TESK2: variants seen among roughly 807,000 people sequenced by gnomAD.
TESK2 encodes testis associated actin remodelling kinase 2, also known as dual specificity testis-specific protein kinase 2.
Under a neutral mutation model 57.1 loss-of-function variants are expected in TESK2, and 39 were observed. The observed-to-expected ratio is 0.68, with a 90% CI of 0.53 to 0.89. The LOEUF is 0.89. Ranked by LOEUF, TESK2 falls within the 40% of genes least tolerant of loss-of-function variation. The pLI, the probability that TESK2 is intolerant of heterozygous loss-of-function variation, is 0.00. For synonymous variants in TESK2, 249 were observed against 267.9 expected (o/e 0.93, Z 0.69); for missense variants, 646 against 732.1 (o/e 0.88, Z 1.36).
rs780360917 is a variant in TESK2 at position 45,347,711 on chromosome 1, A to G, written c.624-18T>C. ...TCCCCATGCTGTGGGGTGAGATTAT[A>G]CAGAAAATGAGCTTGCCAATGGCTG... is the stretch of plus-strand genomic sequence containing the variant. On this transcript the variant is annotated intron_variant, in intron 6 of 10. Transcript: ENST00000372086. 6.2e-7 allele frequency: 1 copy of G among 1,613,132 alleles called. No homozygotes were observed. The highest frequency in any genetic ancestry group is 1.1e-5 in the South Asian group (1 of 90,908).
chr1:45,380,498 C>T (rs545443451), intron 4 of TESK2, among the ~76,000 whole-genome samples: 96 of 152,292 alleles, frequency 6.3e-4, no homozygotes, highest in African/African-American at 2.2e-3. Flanking sequence ...TTTCTCTTCT[C>T]TCTTTCTTCC....
chr1:45,409,481 C>A (rs1649960420), intron 3 of TESK2, among the ~76,000 whole-genome samples: 1 of 152,102 alleles, frequency 6.6e-6, no homozygotes, highest in Non-Finnish European at 1.5e-5. Flanking sequence ...CATTTAGGGC[C>A]TGATAGGTTA....
chr1:45,348,166 G>C (rs1490515693), intron 5 of TESK2, among the ~76,000 whole-genome samples, 166 bp from the exon 6 acceptor site: 1 of 152,170 alleles, frequency 6.6e-6, no homozygotes, highest in Non-Finnish European at 1.5e-5. Flanking sequence ...CTCTAAGACA[G>C]CCAGGTGAGA....
intron 1 of TESK2, among the ~76,000 whole-genome samples, chr1:45,476,088 T>C (rs1383708952): frequency 1.3e-5 from 2 of 152,218 alleles, no homozygotes; most frequent in Non-Finnish European, 2.9e-5. Context: ...CCAATCTTCC[T>C]TAATAAACTC....
intron 3 of TESK2, among the ~76,000 whole-genome samples, chr1:45,415,590 G>A (rs1826691): frequency 0.25 from 38,500 of 152,058 alleles, 4,994 homozygotes; most frequent in East Asian, 0.36. Flanking sequence ...ATAGGCCACT[G>A]AAAGAAGCAG....
intron 1 of TESK2, among the ~76,000 whole-genome samples, chr1:45,466,954 T>C (rs1652578777): frequency 6.6e-6 from 1 of 152,036 alleles, no homozygotes; most frequent in Admixed American, 6.6e-5. Flanking sequence ...TCAACTCCTG[T>C]TTGTTATTAT....
intron 3 of TESK2, among the ~76,000 whole-genome samples, chr1:45,411,389 C>T (rs1304789649): frequency 6.6e-6 from 1 of 152,172 alleles, no homozygotes; most frequent in East Asian, 1.9e-4. Context: ...GATCATCAGG[C>T]ATTTGATTCT....
chr1:45,366,369 G>A (rs1455656949), intron 4 of TESK2, among the ~76,000 whole-genome samples: 2 of 151,888 alleles, frequency 1.3e-5, no homozygotes, highest in East Asian at 1.9e-4. Flanking sequence ...TTACAGGTGT[G>A]AGCCACCACG....
chr1:45,487,064 A>G (rs1427513091), intron 1 of TESK2, among the ~76,000 whole-genome samples: 1 of 151,886 alleles, frequency 6.6e-6, no homozygotes, highest in African/African-American at 2.4e-5. Flanking sequence ...CCTGACCTCA[A>G]GTGATCCACC....
chr1:45,479,243 C>T (rs1231553341), intron 1 of TESK2, among the ~76,000 whole-genome samples: 1 of 151,910 alleles, frequency 6.6e-6, no homozygotes, highest in Non-Finnish European at 1.5e-5. Flanking sequence ...ATGTTGAGAA[C>T]TTTTAGTCAG....
At chr1:45,387,824 T>C (rs771315899) in intron 3 of TESK2, among the ~76,000 whole-genome samples, 8 of 152,154 alleles carry the variant, frequency 5.3e-5, no homozygotes, top group Non-Finnish European at 1.0e-4. Context: ...CTGGCCAACA[T>C]GGTGAAACCC....
In TESK2 at chr1:45,367,140, T is replaced by A. The variant is rs190881951; in HGVS notation, c.394-11691A>T. ...TAGAGCCAGACCTAGTCTCAAAAAA[T>A]AAATAAAATAAAATAAAATAAAATA... On this transcript the variant is annotated intron_variant, in intron 4 of 10. Coordinates refer to ENST00000372086, the MANE Select transcript of TESK2 (RefSeq NM_007170.3). 2.2e-3 allele frequency among the ~76,000 whole-genome samples: 338 copies of A among 151,672 alleles called. 2 individuals are homozygous for A. The highest frequency in any genetic ancestry group is 0.01 in the Middle Eastern group (3 of 292).
In TESK2 at chr1:45,457,584, A is replaced by C; in HGVS notation, c.202T>G (p.Phe68Val). Reference sequence around the variant, plus strand: ...CTCACCTTGAACACTTCAGAAAAGAAGCCAGACCCTATTTTTTCACAGGTG... The same window carrying C: ...CTCACCTTGAACACTTCAGAAAAGACGCCAGACCCTATTTTTTCACAGGTG... Reference protein sequence around the residue: ...DFTCEKIGSGFFSEVFKVRHR... With the variant: ...DFTCEKIGSGVFSEVFKVRHR... Residue 68 changes from phenylalanine to valine, a missense_variant, in exon 2 of 11, where the codon TTC becomes GTC. By Grantham distance (50) the Phe-to-Val change is conservative. Coordinates refer to ENST00000372086, the MANE Select transcript of TESK2 (RefSeq NM_007170.3). The C allele has an allele frequency of 6.2e-7, 1 of 1,614,100 alleles. No individual in the cohort carries two copies. Among genetic ancestry groups the C allele is most frequent in the Non-Finnish European group, 8.5e-7 (1 of 1,179,994 alleles).
At chr1:45,399,321 G>T (rs1019101722) in intron 3 of TESK2, among the ~76,000 whole-genome samples, 2 of 151,100 alleles carry the variant, frequency 1.3e-5, no homozygotes, top group Admixed American at 6.6e-5. Context: ...GCTAATTTTT[G>T]TATTTTTTTT....
At position 45,457,563 on chromosome 1, in the gene TESK2, C is replaced by T. The variant is rs1159754176; in HGVS notation, c.222+1G>A. On this transcript the variant is annotated splice_donor_variant, in intron 2 of 10. Coordinates refer to ENST00000372086, the MANE Select transcript of TESK2 (RefSeq NM_007170.3). LOFTEE classifies it high-confidence loss of function. Reference sequence around the variant, plus strand: ...ATGAGAAAAGCTGAAGACTCACTCACCTTGAACACTTCAGAAAAGAAGCCA... The same window carrying T: ...ATGAGAAAAGCTGAAGACTCACTCATCTTGAACACTTCAGAAAAGAAGCCA... 4.5e-5 allele frequency: 72 copies of T among 1,613,284 alleles called. No individual in the cohort carries two copies. The highest frequency in any genetic ancestry group is 6.0e-5 in the Non-Finnish European group (71 of 1,179,484).
At chr1:45,477,866 T>C (rs1440953995) in intron 1 of TESK2, among the ~76,000 whole-genome samples, 1 of 152,180 alleles carries the variant, frequency 6.6e-6, no homozygotes, top group African/African-American at 2.4e-5. Flanking sequence ...ACCCTTCTGA[T>C]GTAGTGTTGA....
chr1:45,469,766 G>C (rs567504372), intron 1 of TESK2, among the ~76,000 whole-genome samples: 214 of 152,238 alleles, frequency 1.4e-3, no homozygotes, highest in Non-Finnish European at 2.1e-3. Context: ...CTAAAGAATG[G>C]ATGCCATGCT....
chr1:45,369,980 G>A (rs946786234), intron 4 of TESK2, among the ~76,000 whole-genome samples: 1 of 152,074 alleles, frequency 6.6e-6, no homozygotes, highest in African/African-American at 2.4e-5. Context: ...CAAAGTGCTG[G>A]GATTACAGGC....
intron 4 of TESK2, among the ~76,000 whole-genome samples, chr1:45,356,259 A>G (rs951669451): frequency 6.6e-6 from 1 of 152,142 alleles, no homozygotes; most frequent in African/African-American, 2.4e-5. Flanking sequence ...GCAATAGGCT[A>G]TTGGTCCCTG....
Sources: allele counts gnomAD v4.1 joint callset (sites outside exome capture counted in the v4.1 genomes callset), GRCh38; gene constraint gnomAD v4.1.1; transcripts MANE v1.5; gene names NCBI Gene and HGNC (gene_info 2026-07-23, HGNC 2026-07-21).